The following PREX2 variants were observed in gnomAD, a reference collection of about 807,000 sequenced individuals.
PREX2 encodes the protein phosphatidylinositol-3,4,5-trisphosphate dependent Rac exchange factor 2, also known as phosphatidylinositol 3,4,5-trisphosphate-dependent Rac exchanger 2 protein.
Under a neutral mutation model 203.2 loss-of-function variants are expected in PREX2, and 107 were observed. The observed-to-expected ratio is 0.53, with a 90% CI of 0.45 to 0.62. The LOEUF (loss-of-function observed/expected upper bound fraction) is 0.62. Among genes scored for constraint, PREX2 ranks in the 20% least tolerant of loss-of-function variants. PREX2 has a pLI of 0.00. For missense variants in PREX2, 1,777 were observed against 1,955.9 expected, an observed-to-expected ratio of 0.91 and a Z score of 1.72; for synonymous variants, 672 against 663.6, an observed-to-expected ratio of 1.01 and a Z score of -0.19.
In PREX2 at chr8:68,080,605, A is replaced by T. The variant is rs138148679; in HGVS notation, c.1785+20A>T. 14 of 1,568,274 alleles carry T rather than the reference A, an allele frequency of 8.9e-6. No homozygotes were observed. The highest frequency in any genetic ancestry group is 1.2e-5 in the Non-Finnish European group (14 of 1,149,186). On this transcript the variant is annotated intron_variant, in intron 16 of 39. Coordinates refer to ENST00000288368, the MANE Select transcript of PREX2 (RefSeq NM_024870.4). ...TTATTGGTAAGTTTATTGATATGTT[A>T]TATAAGTTTTCTTCTTGATTAGACA... is the stretch of plus-strand genomic sequence containing the variant.
At chr8:67,974,348 A>G (rs1019262059) in intron 1 of PREX2, among the ~76,000 whole-genome samples, 8 of 152,190 alleles carry the variant, frequency 5.3e-5, no homozygotes, top group African/African-American at 1.9e-4. Flanking sequence ...GAAAAAAAGT[A>G]AAAGAAAAAT....
chr8:68,225,369 A>T (rs2129615502), intron 39 of PREX2, among the ~76,000 whole-genome samples: 1 of 152,354 alleles, frequency 6.6e-6, no homozygotes, highest in African/African-American at 2.4e-5. Context: ...AATAATAGCC[A>T]TCAGAGAAAT....
At chr8:68,139,697 T>A (rs1378179447) in intron 33 of PREX2, among the ~76,000 whole-genome samples, 1 of 152,120 alleles carries the variant, frequency 6.6e-6, no homozygotes, top group Non-Finnish European at 1.5e-5. Context: ...TATTTAAAAA[T>A]AAAGCAATGT....
At chr8:68,114,934 C>A (rs997238952) in intron 25 of PREX2, among the ~76,000 whole-genome samples, 1 of 151,724 alleles carries the variant, frequency 6.6e-6, no homozygotes, top group Non-Finnish European at 1.5e-5. Flanking sequence ...CATGAAGGCC[C>A]ATTTATAGTT....
At chr8:68,147,023 A>T (rs1811341986) in intron 34 of PREX2, among the ~76,000 whole-genome samples, 1 of 152,188 alleles carries the variant, frequency 6.6e-6, no homozygotes, top group African/African-American at 2.4e-5. Context: ...CCTAAAAAAG[A>T]TCAGAAGTCT....
chr8:67,979,748 CCTTA>C (rs1806212276), intron 1 of PREX2, among the ~76,000 whole-genome samples: 2 of 152,130 alleles, frequency 1.3e-5, no homozygotes, highest in African/African-American at 4.8e-5. Context: ...CTTGATTTAT[CCTTA>C]CTTCTTTAGT....
In PREX2 at chr8:68,060,856, T is replaced by C. The variant is rs182760388; in HGVS notation, c.1339+77T>C. 7 of 965,998 alleles carry C rather than the reference T, an allele frequency of 7.2e-6. No homozygotes were observed. In the East Asian group the frequency reaches 1.6e-4, roughly 22 times the overall value. 59.8% of individuals were successfully genotyped at this position (965,998 alleles called of 1,614,324 possible). A position where few individuals can be genotyped will look rare whatever the true frequency, so the allele number is the denominator to read the frequency against. On this transcript the variant is annotated intron_variant, in intron 11 of 39. Transcript: ENST00000288368. ...ATCTTAATCCCATTTATCAGTTTAG[T>C]TTACAATTCCCCACATTATAGGATG...
Position 68,083,303 on chromosome 8 carries a change from C to T in PREX2, c.1942C>T (p.Pro648Ser). 2 of 1,609,782 alleles carry T rather than the reference C, an allele frequency of 1.2e-6. No homozygotes were observed. Among genetic ancestry groups the T allele is most frequent in the Non-Finnish European group, 1.7e-6 (2 of 1,176,914 alleles). Residue 648 changes from proline to serine, a missense_variant, in exon 18 of 40, where the codon CCT (proline) becomes TCT (serine). By Grantham distance (74) the Pro-to-Ser change is moderately conservative. Coordinates refer to ENST00000288368, the MANE Select transcript of PREX2 (RefSeq NM_024870.4). ...AINGDLVFMR[P>S]FNEVDCFLKS... ...TAATGGTGACCTAGTTTTTATGAGACCTTTCAATGAAGTGGATTGCTTCCT... is the reference window on the plus strand; with the variant it reads ...TAATGGTGACCTAGTTTTTATGAGATCTTTCAATGAAGTGGATTGCTTCCT...
At chr8:68,039,740 C>T (rs1201595703) in intron 7 of PREX2, among the ~76,000 whole-genome samples, 2 of 152,052 alleles carry the variant, frequency 1.3e-5, no homozygotes, top group East Asian at 1.9e-4. Context: ...CCTGTTTTTC[C>T]CTCAACATCC....
chr8:67,962,591 T>C (rs1021955117), intron 1 of PREX2, among the ~76,000 whole-genome samples: 10 of 144,616 alleles, frequency 6.9e-5, no homozygotes, highest in Non-Finnish European at 4.5e-5. Context: ...AATATATTTG[T>C]ATTTATATAT....
chr8:68,011,587 T>C (rs538815975), intron 1 of PREX2, among the ~76,000 whole-genome samples: 4 of 152,280 alleles, frequency 2.6e-5, no homozygotes, highest in African/African-American at 9.6e-5. Flanking sequence ...AGGCCCTGTG[T>C]TAATTTTCTC....
At chr8:68,112,348 T>G (rs1207160061) in intron 25 of PREX2, among the ~76,000 whole-genome samples, 4 of 152,210 alleles carry the variant, frequency 2.6e-5, no homozygotes, top group African/African-American at 7.2e-5. Context: ...AGAGGATTTG[T>G]GTATTCTCAC....
chr8:68,095,512 C>A (rs549293248), intron 21 of PREX2, among the ~76,000 whole-genome samples: 2,326 of 143,460 alleles, frequency 0.016, 21 homozygotes, highest in Non-Finnish European at 0.024. Flanking sequence ...TACATACATA[C>A]ATACATACAT....
chr8:68,192,295 A>G (rs1482176973), intron 36 of PREX2, 40 bp from the exon 37 acceptor site: 13 of 1,501,336 alleles, frequency 8.7e-6, no homozygotes, highest in African/African-American at 5.6e-5. Flanking sequence ...GAATTTTACT[A>G]AACATGTTGA....
At position 68,056,172 on chromosome 8, in the gene PREX2, A is replaced by G. The variant is rs535011579; in HGVS notation, c.1238+198A>G. 3.3e-5 allele frequency among the ~76,000 whole-genome samples: 5 copies of G among 152,272 alleles called. No individual in the cohort carries two copies. The South Asian group carries it at 8.3e-4, about 25-fold the overall frequency. On this transcript the variant is annotated intron_variant, in intron 10 of 39. Coordinates refer to ENST00000288368, the MANE Select transcript of PREX2 (RefSeq NM_024870.4). Reference sequence around the variant, plus strand: ...GGATCATGACCAGGAAACTTAAGGCATCCGTCCATTCATTCATGACTTCTG... The same window carrying G: ...GGATCATGACCAGGAAACTTAAGGCGTCCGTCCATTCATTCATGACTTCTG...
At chr8:67,964,456 A>T (rs1385716873) in intron 1 of PREX2, among the ~76,000 whole-genome samples, 1 of 152,216 alleles carries the variant, frequency 6.6e-6, no homozygotes, top group East Asian at 1.9e-4. Context: ...TCAGAAAATC[A>T]TTTATATTAA....
intron 13 of PREX2, 30 bp from the exon 14 acceptor site, chr8:68,072,465 G>A (rs375625348): frequency 1.5e-6 from 2 of 1,325,242 alleles, no homozygotes; most frequent in Non-Finnish European, 2.1e-6. Context: ...TTTGTTTTTT[G>A]TTTGTTTGTT....
intron 1 of PREX2, among the ~76,000 whole-genome samples, chr8:68,016,653 C>G (rs117092011): frequency 6.6e-6 from 1 of 152,102 alleles, no homozygotes. Context: ...TACTCTGTCA[C>G]CCAGACTGGA....
chr8:68,158,937 C>T (rs1052336540), intron 35 of PREX2, among the ~76,000 whole-genome samples: 1 of 152,050 alleles, frequency 6.6e-6, no homozygotes, highest in African/African-American at 2.4e-5. Context: ...CTTGTTGAAT[C>T]GTAGCTAGAC....
Sources: allele counts gnomAD v4.1 joint callset (sites outside exome capture counted in the v4.1 genomes callset), GRCh38; gene constraint gnomAD v4.1.1; transcripts MANE v1.5; gene names NCBI Gene and HGNC (gene_info 2026-07-23, HGNC 2026-07-21).